Variants in FRYL observed in about 807,000 individuals in gnomAD.
The protein encoded by FRYL is protein furry homolog-like.
FRYL carries 150 observed loss-of-function variants against 351.2 expected under a neutral mutation model. The observed-to-expected ratio is 0.43, with a 90% confidence interval of 0.37 to 0.49. The LOEUF is 0.49. FRYL is among the 20% of genes least tolerant of loss of function. The pLI is 0.00. For missense variants in FRYL, 3,036 were observed against 3,619.3 expected, an observed-to-expected ratio of 0.84 and a Z score of 4.13; for synonymous variants, 1,153 against 1,257.1, an observed-to-expected ratio of 0.92 and a Z score of 1.75.
At chr4:48,709,324 G>A (rs1438517092) in intron 2 of FRYL, among the ~76,000 whole-genome samples, 3 of 152,130 alleles carry the variant, frequency 2.0e-5, no homozygotes, top group East Asian at 1.9e-4. Flanking sequence ...TGCTAGACAC[G>A]TTAAGGAAGC....
chr4:48,677,139 A>G (rs2149526706), intron 3 of FRYL, among the ~76,000 whole-genome samples: 1 of 152,352 alleles, frequency 6.6e-6, no homozygotes, highest in East Asian at 1.9e-4. Context: ...TTTTTAAAAT[A>G]TTAGGCTACT....
At chr4:48,755,232 C>A (rs557619592) in intron 1 of FRYL, among the ~76,000 whole-genome samples, 3 of 152,262 alleles carry the variant, frequency 2.0e-5, no homozygotes, top group Non-Finnish European at 4.4e-5. Context: ...AACTTCACAT[C>A]CAGCTCCACA....
chr4:48,544,299 C>G (rs1730867113), intron 43 of FRYL, among the ~76,000 whole-genome samples: 7 of 152,142 alleles, frequency 4.6e-5, no homozygotes, highest in Admixed American at 4.6e-4. Flanking sequence ...GTGTCTCTGG[C>G]CTCAACCCAC....
chr4:48,680,872 G>T, intron 3 of FRYL: 1 of 628,692 alleles, frequency 1.6e-6, no homozygotes, highest in South Asian at 3.4e-5. Flanking sequence ...TGTAAAAATA[G>T]TTTTACTTTC....
chr4:48,671,863 AAAAAAAAAAC>A (rs1762773522), intron 3 of FRYL, among the ~76,000 whole-genome samples: 14 of 118,756 alleles, frequency 1.2e-4, no homozygotes, highest in African/African-American at 3.9e-4. Flanking sequence ...AAAAACAAAA[AAAAAAAAAAC>A]AAAAAAAAAA....
At chr4:48,659,134 T>C (rs1031376713) in intron 3 of FRYL, among the ~76,000 whole-genome samples, 1 of 151,968 alleles carries the variant, frequency 6.6e-6, no homozygotes, top group Admixed American at 6.6e-5. Flanking sequence ...GTGGATTGCT[T>C]GAGGCCAGGA....
At chr4:48,777,795 G>A (rs140727171) in intron 1 of FRYL, among the ~76,000 whole-genome samples, 5 of 152,262 alleles carry the variant, frequency 3.3e-5, no homozygotes, top group Non-Finnish European at 7.4e-5. Context: ...GGAAGATTAT[G>A]CCTAGCTGCT....
At chr4:48,698,316 G>C (rs1284842922) in intron 2 of FRYL, among the ~76,000 whole-genome samples, 2 of 152,310 alleles carry the variant, frequency 1.3e-5, no homozygotes, top group East Asian at 3.9e-4. Flanking sequence ...TGAGAAGCTA[G>C]CTAACTGATG....
intron 2 of FRYL, among the ~76,000 whole-genome samples, chr4:48,691,286 G>A (rs1765652676): frequency 6.6e-6 from 1 of 152,050 alleles, no homozygotes; most frequent in Non-Finnish European, 1.5e-5. Context: ...GACGTTCATT[G>A]TACTATTATT....
chr4:48,578,232 C>A (rs1315034640), intron 23 of FRYL, among the ~76,000 whole-genome samples: 6 of 151,964 alleles, frequency 3.9e-5, no homozygotes, highest in Admixed American at 2.6e-4. Context: ...AAAAAAGGTA[C>A]AGAGTGAAGT....
chr4:48,531,657 A>C (rs1507862), intron 49 of FRYL, among the ~76,000 whole-genome samples: 1 of 152,004 alleles, frequency 6.6e-6, no homozygotes, highest in Admixed American at 6.6e-5. Context: ...GTAACTTGGC[A>C]GTAGTGGTAA....
At chr4:48,565,424 A>C in intron 29 of FRYL, 107 bp downstream of exon 29, 1 of 792,740 alleles carries the variant, frequency 1.3e-6, no homozygotes, top group Non-Finnish European at 1.8e-6. Context: ...ATGGCAGAAA[A>C]ACATTTTAAT....
At chr4:48,628,431 C>CCT (rs71191240) in intron 4 of FRYL, among the ~76,000 whole-genome samples, 9 of 144,752 alleles carry the variant, frequency 6.2e-5, no homozygotes, top group African/African-American at 2.0e-4. Flanking sequence ...CCTTCATTTG[C>CCT]GTGTGTGTGT....
At position 48,567,017 on chromosome 4, in the gene FRYL, G is replaced by A. The variant is rs1736944940; in HGVS notation, c.3169+231C>T. On this transcript the variant is annotated intron_variant, in intron 28 of 63. Transcript: ENST00000358350. This position sits in a 1 kb window ranked among gnomAD's most constrained non-coding sequence, Gnocchi z 4.2. ...ATTCTATTGATTTCTCCAGGTTTTT[G>A]TGTCAGTATCCTGATTATTACTGAA... Among the ~76,000 whole-genome samples, 1 of 152,114 alleles carries A rather than the reference G, an allele frequency of 6.6e-6. No individual in the cohort carries two copies. The highest frequency in any genetic ancestry group is 1.5e-5 in the Non-Finnish European group (1 of 67,998).
intron 3 of FRYL, among the ~76,000 whole-genome samples, chr4:48,682,661 G>A (rs574756494): frequency 3.3e-5 from 5 of 151,780 alleles, no homozygotes; most frequent in East Asian, 1.9e-4. Context: ...ACAAACATAC[G>A]AAAAAAAACC....
intron 3 of FRYL, among the ~76,000 whole-genome samples, chr4:48,651,858 G>A (rs865884750): frequency 6.6e-6 from 1 of 152,302 alleles, no homozygotes. Flanking sequence ...AAATAAAAAC[G>A]TTCTTCCACT....
At chr4:48,671,878 A>AAAC (rs1560832630) in intron 3 of FRYL, among the ~76,000 whole-genome samples, 5 of 147,216 alleles carry the variant, frequency 3.4e-5, no homozygotes, top group Non-Finnish European at 7.5e-5. Context: ...AAAAACAAAA[A>AAAC]AAAAAAAAAA....
chr4:48,653,043 T>C (rs2149438331), intron 3 of FRYL, among the ~76,000 whole-genome samples: 1 of 152,302 alleles, frequency 6.6e-6, no homozygotes, highest in Non-Finnish European at 1.5e-5. Context: ...TTTTGAGATC[T>C]TTAAAGGAAA....
chr4:48,548,570 C>T, intron 40 of FRYL, 120 bp downstream of exon 40: 1 of 647,522 alleles, frequency 1.5e-6, no homozygotes, highest in African/African-American at 1.8e-5. Context: ...TGAAAAGTGT[C>T]ATGGAAATAA....
Sources: gnomAD v4.1 joint callset for allele counts (sites outside exome capture counted in the v4.1 genomes callset) on GRCh38, gnomAD v4.1.1 for gene constraint, Gnocchi (gnomAD v3.1) non-coding constraint, MANE v1.5 for transcripts, NCBI Gene and HGNC (gene_info 2026-07-23, HGNC 2026-07-21) for gene names.